GPC6: variants seen among roughly 807,000 people sequenced by gnomAD.
GPC6 encodes the protein glypican-6.
A neutral mutation model predicts 55.2 loss-of-function variants in GPC6; 14 were observed. That is an observed-to-expected ratio of 0.25 (90% CI 0.17 to 0.40). The LOEUF (loss-of-function observed/expected upper bound fraction) is 0.40. GPC6 is among the 10% of genes least tolerant of loss of function. The pLI, the probability that GPC6 is intolerant of heterozygous loss-of-function variation, is 1.00. For missense variants in GPC6, 641 were observed against 708.5 expected, an observed-to-expected ratio of 0.90 and a Z score of 1.08; for synonymous variants, 278 against 259.6, an observed-to-expected ratio of 1.07 and a Z score of -0.68.
chr13:93,456,425 G>A (rs1421506292), intron 1 of GPC6, among the ~76,000 whole-genome samples: 2 of 152,002 alleles, frequency 1.3e-5, no homozygotes, highest in African/African-American at 4.8e-5. Context: ...TGACAAGTAG[G>A]TAATTTCAGG....
intron 1 of GPC6, among the ~76,000 whole-genome samples, chr13:93,496,198 C>T (rs1001799938): frequency 1.1e-4 from 16 of 152,120 alleles, no homozygotes; most frequent in African/African-American, 3.6e-4. Context: ...TAGGACCCTC[C>T]GAGCCAGGTG....
chr13:94,158,868 A>C (rs1264203059), intron 4 of GPC6, among the ~76,000 whole-genome samples: 1 of 152,134 alleles, frequency 6.6e-6, no homozygotes, highest in Non-Finnish European at 1.5e-5. Flanking sequence ...AAGACATAGC[A>C]TATGGCAGCT....
intron 3 of GPC6, among the ~76,000 whole-genome samples, chr13:93,984,029 AATTTATTT>A (rs202239190): frequency 6.6e-6 from 1 of 152,040 alleles, no homozygotes; most frequent in African/African-American, 2.4e-5. Context: ...AGGAACATTG[AATTTATTT>A]ATTTATTTAT....
chr13:93,382,011 C>T (rs1008464513), intron 1 of GPC6, among the ~76,000 whole-genome samples: 1 of 152,052 alleles, frequency 6.6e-6, no homozygotes, highest in Admixed American at 6.6e-5. Context: ...TTTGAATTTA[C>T]TTTAATGAAT....
In GPC6 at chr13:93,486,978, C is replaced by CA. The variant is rs1016186433; in HGVS notation, c.161-58278dup. Among the ~76,000 whole-genome samples the CA allele has an allele frequency of 1.5e-4, 22 of 150,766 alleles. 1 individual carries two copies. Among genetic ancestry groups the CA allele is most frequent in the East Asian group, 3.9e-4 (2 of 5,116 alleles). On this transcript the variant is annotated intron_variant, in intron 1 of 8. Transcript: ENST00000377047. ...AAAAACAAAAAAACCCCAAAAAACA[C>CA]AAAAAAACAAAAAAACAAAGAGACC...
At chr13:93,538,887 T>C (rs1293791624) in intron 1 of GPC6, among the ~76,000 whole-genome samples, 3 of 152,072 alleles carry the variant, frequency 2.0e-5, no homozygotes, top group African/African-American at 4.8e-5. Context: ...TAAATACTCA[T>C]GGGTATGTAA....
chr13:93,688,867 G>A (rs539375803), intron 2 of GPC6, among the ~76,000 whole-genome samples: 1 of 152,144 alleles, frequency 6.6e-6, no homozygotes, highest in African/African-American at 2.4e-5. Flanking sequence ...ACAACATTGT[G>A]AATATGTCTA....
chr13:93,365,821 C>T (rs1480611669), intron 1 of GPC6, among the ~76,000 whole-genome samples: 2 of 152,026 alleles, frequency 1.3e-5, no homozygotes, highest in African/African-American at 4.8e-5. Flanking sequence ...GACACTATCT[C>T]CTTGTGGAAT....
chr13:93,783,416 C>T (rs1288133338), intron 2 of GPC6, among the ~76,000 whole-genome samples: 1 of 151,854 alleles, frequency 6.6e-6, no homozygotes, highest in Non-Finnish European at 1.5e-5. Flanking sequence ...CTGTCTTCTA[C>T]AGTGATTGAA....
At chr13:93,540,639 G>T (rs1390928185) in intron 1 of GPC6, among the ~76,000 whole-genome samples, 2 of 152,092 alleles carry the variant, frequency 1.3e-5, no homozygotes, top group East Asian at 1.9e-4. Context: ...CAGATAGGGG[G>T]ATTAGCATGT....
At chr13:93,647,761 C>T (rs1880233347) in intron 2 of GPC6, among the ~76,000 whole-genome samples, 1 of 152,162 alleles carries the variant, frequency 6.6e-6, no homozygotes, top group South Asian at 2.1e-4. Flanking sequence ...TCAGTTCGCT[C>T]ACTGCTTTCT....
chr13:93,760,396 C>T (rs745780263), intron 2 of GPC6, among the ~76,000 whole-genome samples: 3 of 152,166 alleles, frequency 2.0e-5, no homozygotes, highest in Non-Finnish European at 2.9e-5. Context: ...GTTCCTCTCA[C>T]ACCTGGAGTA....
At chr13:93,855,066 C>A (rs1239946934) in intron 3 of GPC6, among the ~76,000 whole-genome samples, 1 of 151,640 alleles carries the variant, frequency 6.6e-6, no homozygotes, top group East Asian at 1.9e-4. Context: ...ACATTAGGTT[C>A]ACTCTTGTGT....
intron 4 of GPC6, among the ~76,000 whole-genome samples, chr13:94,037,717 A>G (rs983332040): frequency 1.3e-5 from 2 of 151,972 alleles, no homozygotes; most frequent in African/African-American, 4.8e-5. Context: ...TACCAGGGTT[A>G]TTAACCACGG....
intron 2 of GPC6, among the ~76,000 whole-genome samples, chr13:93,747,730 G>A (rs1884446107): frequency 6.6e-6 from 1 of 152,190 alleles, no homozygotes; most frequent in Admixed American, 6.5e-5. Flanking sequence ...TTCTGAGCAT[G>A]CTCTAGGTAG....
chr13:94,197,624 T>C (rs887097036), intron 4 of GPC6, among the ~76,000 whole-genome samples: 1 of 152,142 alleles, frequency 6.6e-6, no homozygotes, highest in African/African-American at 2.4e-5. Context: ...ATAACTTTAA[T>C]TGCCTCCCTG....
intron 1 of GPC6, among the ~76,000 whole-genome samples, chr13:93,337,480 G>C (rs1266597220): frequency 2.0e-5 from 3 of 151,522 alleles, no homozygotes; most frequent in African/African-American, 7.3e-5. Flanking sequence ...TACTTATTAA[G>C]TGCCATTGTC....
intron 4 of GPC6, among the ~76,000 whole-genome samples, chr13:94,180,828 T>A (rs1387418241): frequency 6.6e-6 from 1 of 152,094 alleles, no homozygotes; most frequent in Non-Finnish European, 1.5e-5. Context: ...ATCATCTAAA[T>A]TCAAGGTAAC....
At chr13:94,099,539 C>T (rs548209166) in intron 4 of GPC6, among the ~76,000 whole-genome samples, 159 of 152,284 alleles carry the variant, frequency 1.0e-3, no homozygotes, top group Non-Finnish European at 1.8e-3. Flanking sequence ...GTAAAAATTA[C>T]TTCCTATTTC....
Sources: allele counts gnomAD v4.1 joint callset (sites outside exome capture counted in the v4.1 genomes callset), GRCh38; gene constraint gnomAD v4.1.1; transcripts MANE v1.5; gene names NCBI Gene and HGNC (gene_info 2026-07-23, HGNC 2026-07-21).